Variants in HYCC1 observed in about 807,000 individuals in gnomAD.
HYCC1 encodes the protein hyccin PI4KA lipid kinase complex subunit 1, also known as hyccin.
the HYCC1 span, among the ~76,000 whole-genome samples, chr7:23,009,131 T>C: frequency 2.6e-5 from 4 of 152,132 alleles, no homozygotes; most frequent in African/African-American, 9.7e-5. Flanking sequence ...AACTTAGTTT[T>C]TAAAAATCTC....
At chr7:22,981,158 T>C in the HYCC1 span, among the ~76,000 whole-genome samples, 13 of 152,348 alleles carry the variant, frequency 8.5e-5, no homozygotes, top group East Asian at 2.3e-3. Context: ...ATTTGTTTAA[T>C]GTCTTCTCAC....
the HYCC1 span, chr7:22,960,472 T>C: frequency 8.0e-6 from 11 of 1,373,510 alleles, no homozygotes; most frequent in Admixed American, 1.7e-5. Context: ...AGATATATTA[T>C]CTAACCCTTC....
chr7:22,928,691 ACAAACAAATGGAAGAACATTC>A, the HYCC1 span, among the ~76,000 whole-genome samples: 2 of 152,228 alleles, frequency 1.3e-5, no homozygotes, highest in Non-Finnish European at 2.9e-5. Flanking sequence ...AAAAGAGGAT[ACAAACAAATGGAAGAACATTC>A]CATGCTCATG....
chr7:22,977,637 C>T, the HYCC1 span, among the ~76,000 whole-genome samples: 1 of 152,130 alleles, frequency 6.6e-6, no homozygotes, highest in Non-Finnish European at 1.5e-5. Context: ...AACAAATTTT[C>T]AGGATGGCTG....
chr7:22,927,816 TCCTC>T, the HYCC1 span, among the ~76,000 whole-genome samples: 1 of 152,102 alleles, frequency 6.6e-6, no homozygotes, highest in Non-Finnish European at 1.5e-5. Flanking sequence ...AAAGAGAGAA[TCCTC>T]CCTAACTCAT....
At chr7:22,940,236 GTTTTTTTTTTTTTTTTTTT>G in the HYCC1 span, 1 of 87,174 alleles carries the variant, frequency 1.1e-5, no homozygotes. Context: ...AATAGGTTCT[GTTTTTTTTTTTTTTTTTTT>G]TTTTTTTTTT....
At chr7:22,946,284 ACAG>A in the HYCC1 span, 2 of 756,680 alleles carry the variant, frequency 2.6e-6, no homozygotes, top group Non-Finnish European at 4.2e-6. Flanking sequence ...TTATAAAGCA[ACAG>A]ATTATAGAAA....
the HYCC1 span, chr7:22,939,322 T>A: frequency 6.6e-6 from 1 of 152,162 alleles, no homozygotes; most frequent in Admixed American, 6.6e-5. Context: ...CTTTAAAGTC[T>A]GATAGATCCT....
the HYCC1 span, among the ~76,000 whole-genome samples, chr7:22,996,033 G>A: frequency 0.33 from 50,225 of 151,938 alleles, 8,390 homozygotes; most frequent in East Asian, 0.36. Context: ...GGTGGCTCAC[G>A]CCTGTAATCC....
chr7:22,960,597 TA>T, the HYCC1 span, among the ~76,000 whole-genome samples: 1 of 152,238 alleles, frequency 6.6e-6, no homozygotes, highest in South Asian at 2.1e-4. Context: ...AATTCATGGT[TA>T]AAAAAATATG....
At chr7:22,966,125 C>T in the HYCC1 span, among the ~76,000 whole-genome samples, 1 of 151,956 alleles carries the variant, frequency 6.6e-6, no homozygotes, top group Non-Finnish European at 1.5e-5. Context: ...CAGCATAATC[C>T]CATTTTGCAA....
the HYCC1 span, among the ~76,000 whole-genome samples, chr7:22,984,308 A>C: frequency 6.6e-6 from 1 of 152,178 alleles, no homozygotes; most frequent in African/African-American, 2.4e-5. Flanking sequence ...ATTTTATCTT[A>C]TATTAATTAT....
the HYCC1 span, among the ~76,000 whole-genome samples, chr7:22,946,673 A>T: frequency 6.6e-6 from 1 of 152,256 alleles, no homozygotes; most frequent in South Asian, 2.1e-4. Flanking sequence ...AATTCTATAC[A>T]CATTATCCTT....
chr7:22,976,335 A>G, the HYCC1 span: 1 of 1,495,526 alleles, frequency 6.7e-7, no homozygotes, highest in Non-Finnish European at 9.3e-7. Flanking sequence ...ATATTAACAA[A>G]TCTTTAGAAT....
At chr7:22,946,354 T>A in the HYCC1 span, among the ~76,000 whole-genome samples, 2 of 152,068 alleles carry the variant, frequency 1.3e-5, no homozygotes, top group African/African-American at 4.8e-5. Flanking sequence ...TCACTGTAAT[T>A]AAATGACAGT....
the HYCC1 span, among the ~76,000 whole-genome samples, chr7:22,953,850 T>G: frequency 6.6e-6 from 1 of 151,766 alleles, no homozygotes; most frequent in African/African-American, 2.4e-5. Flanking sequence ...GTAATGGAGC[T>G]TCTCAAAATG....
the HYCC1 span, among the ~76,000 whole-genome samples, chr7:22,955,398 G>A: frequency 4.8e-4 from 73 of 151,496 alleles, no homozygotes; most frequent in Non-Finnish European, 9.2e-4. Context: ...TCACTTACTT[G>A]TCTCATTATC....
chr7:22,938,195 G>C, the HYCC1 span: 5 of 152,124 alleles, frequency 3.3e-5, no homozygotes, highest in Non-Finnish European at 5.9e-5. Context: ...TGTTTGTAGA[G>C]GAAATTCCTA....
At chr7:22,914,801 C>T in the HYCC1 span, among the ~76,000 whole-genome samples, 1 of 152,068 alleles carries the variant, frequency 6.6e-6, no homozygotes. Context: ...CTCATGAGGC[C>T]AAGCCAGGTC....
Sources: allele counts gnomAD v4.1 joint callset (sites outside exome capture counted in the v4.1 genomes callset), GRCh38; gene constraint gnomAD v4.1.1; transcripts MANE v1.5; gene names NCBI Gene and HGNC (gene_info 2026-07-23, HGNC 2026-07-21).